TAB2: variants seen among roughly 807,000 people sequenced by gnomAD.
The protein encoded by TAB2 is TGF-beta activated kinase 1 (MAP3K7) binding protein 2, also known as TGF-beta-activated kinase 1 and MAP3K7-binding protein 2.
In TAB2, 3 loss-of-function variants were observed where a neutral mutation model predicts 65.0. The observed-to-expected ratio is 0.05, with a 90% CI of 0.02 to 0.12. The LOEUF (loss-of-function observed/expected upper bound fraction) is 0.12, where lower values mean the gene tolerates loss of function less well. Among genes scored for constraint, TAB2 ranks in the 10% least tolerant of loss-of-function variants. TAB2 has a pLI of 1.00. For synonymous variants in TAB2, 298 were observed against 285.1 expected (o/e 1.05, Z -0.46); for missense variants, 623 against 840.3 (o/e 0.74, Z 3.20).
intron 1 of TAB2, among the ~76,000 whole-genome samples, chr6:149,231,797 C>A (rs757288509): frequency 1.3e-5 from 2 of 152,136 alleles, no homozygotes; most frequent in Non-Finnish European, 2.9e-5. Flanking sequence ...TAAGAGGAAG[C>A]TCAAACATCA....
intron 1 of TAB2, among the ~76,000 whole-genome samples, chr6:149,348,008 C>T (rs1780359755): frequency 6.6e-6 from 1 of 152,186 alleles, no homozygotes; most frequent in Non-Finnish European, 1.5e-5. Flanking sequence ...ATTATCAACA[C>T]TTCTTTCTGT....
At chr6:149,326,198 A>C (rs1779610853) in intron 1 of TAB2, among the ~76,000 whole-genome samples, 1 of 152,136 alleles carries the variant, frequency 6.6e-6, no homozygotes, top group African/African-American at 2.4e-5. Flanking sequence ...AATAGTCTAC[A>C]ACAGTTACAC....
intron 1 of TAB2, among the ~76,000 whole-genome samples, chr6:149,307,338 C>T (rs1779089477): frequency 1.3e-5 from 2 of 151,986 alleles, no homozygotes; most frequent in African/African-American, 4.8e-5. Flanking sequence ...TCTCTTGCAC[C>T]CTAAAGCCTA....
chr6:149,394,386 G>C (rs1178755707), intron 3 of TAB2, among the ~76,000 whole-genome samples: 3 of 151,734 alleles, frequency 2.0e-5, no homozygotes, highest in Non-Finnish European at 4.4e-5. Context: ...ACATCTTTAA[G>C]TTTTCTGTCA....
intron 1 of TAB2, among the ~76,000 whole-genome samples, chr6:149,259,037 C>T (rs1778098897): frequency 6.6e-6 from 1 of 152,126 alleles, no homozygotes; most frequent in African/African-American, 2.4e-5. Flanking sequence ...CACTCTCTCC[C>T]AGGGCCTCCA....
intron 1 of TAB2, among the ~76,000 whole-genome samples, chr6:149,325,364 G>A (rs4895787): frequency 0.44 from 66,432 of 152,002 alleles, 15,171 homozygotes; most frequent in Middle Eastern, 0.58. Context: ...ATTTTGCTTC[G>A]TTAGGTTTTT....
At chr6:149,357,372 T>C (rs956634344) in intron 1 of TAB2, among the ~76,000 whole-genome samples, 1 of 145,116 alleles carries the variant, frequency 6.9e-6, no homozygotes, top group Non-Finnish European at 1.5e-5. Context: ...GCCAAGATTG[T>C]GCCACTACAC....
intron 1 of TAB2, among the ~76,000 whole-genome samples, chr6:149,349,857 A>T (rs868560640): frequency 4.6e-5 from 7 of 152,144 alleles, no homozygotes; most frequent in South Asian, 4.1e-4. Context: ...CATCCACTTG[A>T]CATACACTAA....
intron 1 of TAB2, among the ~76,000 whole-genome samples, chr6:149,344,994 T>G (rs1780247570): frequency 6.6e-6 from 1 of 152,196 alleles, no homozygotes; most frequent in South Asian, 2.1e-4. Context: ...GTACAATAAC[T>G]TTCCATAAAG....
chr6:149,363,303 C>T (rs1185695366), intron 1 of TAB2, among the ~76,000 whole-genome samples: 1 of 152,030 alleles, frequency 6.6e-6, no homozygotes, highest in African/African-American at 2.4e-5. Flanking sequence ...AAATTCGCCC[C>T]TATGATTCAT....
At chr6:149,263,194 A>G (rs79961106) in intron 1 of TAB2, among the ~76,000 whole-genome samples, 4,261 of 152,284 alleles carry the variant, frequency 0.028, 206 homozygotes, top group African/African-American at 0.096. Flanking sequence ...TCCAGGATTT[A>G]GGCAAAGCAA....
intron 1 of TAB2, among the ~76,000 whole-genome samples, chr6:149,309,071 T>G (rs1006884094): frequency 3.3e-5 from 5 of 152,220 alleles, no homozygotes; most frequent in African/African-American, 1.2e-4. Context: ...TGTTCTAAGT[T>G]TATTTTCCCC....
intron 1 of TAB2, among the ~76,000 whole-genome samples, chr6:149,299,828 G>A (rs1583072070): frequency 6.7e-6 from 1 of 148,396 alleles, no homozygotes; most frequent in Admixed American, 6.7e-5. Flanking sequence ...GGGCAACATA[G>A]CACAGTTCTA....
intron 1 of TAB2, among the ~76,000 whole-genome samples, chr6:149,251,991 T>A (rs200427139): frequency 7.4e-6 from 1 of 135,398 alleles, no homozygotes; most frequent in African/African-American, 2.7e-5. Context: ...AACAAAAAAA[T>A]ATATAAGGAA....
intron 1 of TAB2, among the ~76,000 whole-genome samples, chr6:149,282,523 C>T (rs1238168206): frequency 6.6e-6 from 1 of 152,020 alleles, no homozygotes. Context: ...GGAACACTTA[C>T]CAAGTTAGAT....
At chr6:149,279,386 T>C (rs1295241558) in intron 1 of TAB2, among the ~76,000 whole-genome samples, 1 of 152,164 alleles carries the variant, frequency 6.6e-6, no homozygotes, top group Non-Finnish European at 1.5e-5. Context: ...TGCTCTCTCT[T>C]CTTCCTCCAT....
At chr6:149,385,313 G>C (rs566711527) in intron 3 of TAB2, among the ~76,000 whole-genome samples, 1 of 152,256 alleles carries the variant, frequency 6.6e-6, no homozygotes, top group African/African-American at 2.4e-5. Flanking sequence ...TTAACTTTAT[G>C]TATCTTTTCA....
intron 1 of TAB2, among the ~76,000 whole-genome samples, chr6:149,358,048 C>T (rs1384846521): frequency 6.6e-6 from 1 of 152,090 alleles, no homozygotes; most frequent in Non-Finnish European, 1.5e-5. Flanking sequence ...AAGTAAGTTC[C>T]TAGAAGTGAA....
intron 1 of TAB2, among the ~76,000 whole-genome samples, chr6:149,331,570 G>A (rs1186851420): frequency 6.6e-6 from 1 of 152,054 alleles, no homozygotes; most frequent in African/African-American, 2.4e-5. Context: ...TTGCAATGCT[G>A]TTTCATAATA....
Sources: allele counts gnomAD v4.1 joint callset (sites outside exome capture counted in the v4.1 genomes callset), GRCh38; gene constraint gnomAD v4.1.1; transcripts MANE v1.5; gene names NCBI Gene and HGNC (gene_info 2026-07-23, HGNC 2026-07-21).